Variants in IL1RAPL1 observed in about 807,000 individuals in gnomAD.
IL1RAPL1 encodes the protein interleukin 1 receptor accessory protein like 1, also known as interleukin-1 receptor accessory protein-like 1.
In IL1RAPL1, 3 loss-of-function variants were observed where a neutral mutation model predicts 48.4. The ratio of observed to expected loss-of-function variants is 0.06; its 90% CI spans 0.03 to 0.16. The LOEUF is 0.16. Ranked by LOEUF, IL1RAPL1 falls within the 10% of genes least tolerant of loss-of-function variation. The pLI, the probability that IL1RAPL1 is intolerant of heterozygous loss-of-function variation, is 1.00. For synonymous variants in IL1RAPL1, 185 were observed against 187.7 expected, an observed-to-expected ratio of 0.99 and a Z score of 0.12; for missense variants, 349 against 530.6, an observed-to-expected ratio of 0.66 and a Z score of 3.36.
At chrX:28,668,532 A>G (rs1934908668) in intron 1 of IL1RAPL1, among the ~76,000 whole-genome samples, 1 of 113,565 alleles carries the variant, frequency 8.8e-6, no homozygotes, top group Non-Finnish European at 1.9e-5. Flanking sequence ...TGCTCGGGCT[A>G]TAGGCGTGAG....
chrX:29,596,787 G>A (rs1408791628), intron 5 of IL1RAPL1, among the ~76,000 whole-genome samples: 1 of 111,831 alleles, frequency 8.9e-6, no homozygotes, highest in Non-Finnish European at 1.9e-5. Flanking sequence ...AGTGGTGAGA[G>A]TGGGTATCCT....
At chrX:28,890,633 T>A (rs988065052) in intron 2 of IL1RAPL1, among the ~76,000 whole-genome samples, 2 of 112,083 alleles carry the variant, frequency 1.8e-5, no homozygotes, top group Non-Finnish European at 3.8e-5. Flanking sequence ...TTAACTGTTG[T>A]CAAAAATGTT....
chrX:28,805,862 T>A (rs924963198), intron 2 of IL1RAPL1, among the ~76,000 whole-genome samples: 1 of 110,052 alleles, frequency 9.1e-6, no homozygotes, highest in Non-Finnish European at 1.9e-5. Flanking sequence ...CATATATGTA[T>A]GTATATATAT....
At chrX:28,943,390 A>T (rs760487934) in intron 2 of IL1RAPL1, among the ~76,000 whole-genome samples, 1 of 110,143 alleles carries the variant, frequency 9.1e-6, no homozygotes, top group South Asian at 3.7e-4. Flanking sequence ...GTTGATGAGG[A>T]CAATATGGTT....
intron 5 of IL1RAPL1, among the ~76,000 whole-genome samples, chrX:29,508,948 TAAC>T (rs988513706): frequency 1.3e-4 from 15 of 112,230 alleles, no homozygotes; most frequent in Non-Finnish European, 2.1e-4. Flanking sequence ...TTAAATTCTT[TAAC>T]ATTTTTGTTC....
At chrX:28,836,094 C>T (rs1037288832) in intron 2 of IL1RAPL1, among the ~76,000 whole-genome samples, 15 of 110,052 alleles carry the variant, frequency 1.4e-4, no homozygotes, top group African/African-American at 5.0e-4. Context: ...GATGAACATA[C>T]GTAAGCTTCA....
chrX:29,947,459 G>C (rs1933233643), intron 9 of IL1RAPL1, among the ~76,000 whole-genome samples: 1 of 111,379 alleles, frequency 9.0e-6, no homozygotes, highest in Non-Finnish European at 1.9e-5. Flanking sequence ...GATGAAGAAA[G>C]AGATCTCCTA....
At chrX:29,340,824 C>G (rs937129452) in intron 3 of IL1RAPL1, among the ~76,000 whole-genome samples, 1 of 111,876 alleles carries the variant, frequency 8.9e-6, no homozygotes, top group Admixed American at 9.5e-5. Context: ...CCGAGGACAC[C>G]ATGTAGCTGC....
chrX:29,885,869 A>T (rs1276966049), intron 6 of IL1RAPL1, among the ~76,000 whole-genome samples: 1 of 111,734 alleles, frequency 8.9e-6, no homozygotes, highest in Non-Finnish European at 1.9e-5. Context: ...AACTATGAAA[A>T]TTCAAGCAGT....
intron 2 of IL1RAPL1, among the ~76,000 whole-genome samples, chrX:29,271,360 A>G (rs192940243): frequency 8.9e-6 from 1 of 112,189 alleles, no homozygotes. Flanking sequence ...AACGATTTAT[A>G]TTCCTTTGGA....
At chrX:29,359,714 T>C (rs1168325530) in intron 3 of IL1RAPL1, among the ~76,000 whole-genome samples, 1 of 111,609 alleles carries the variant, frequency 9.0e-6, no homozygotes, top group East Asian at 2.8e-4. Context: ...CTTTCTATGG[T>C]TTAAGGGCTT....
intron 2 of IL1RAPL1, among the ~76,000 whole-genome samples, chrX:28,831,040 G>C (rs867427681): frequency 0.032 from 1,794 of 55,940 alleles, 56 homozygotes; most frequent in African/African-American, 0.13. Context: ...GTGTGTGTGT[G>C]TGTGTGTGTG....
intron 2 of IL1RAPL1, among the ~76,000 whole-genome samples, chrX:29,004,785 C>T (rs1446879285): frequency 9.0e-6 from 1 of 111,340 alleles, no homozygotes; most frequent in Non-Finnish European, 1.9e-5. Flanking sequence ...CACTTGAGCC[C>T]CGGAGTTTGA....
intron 1 of IL1RAPL1, among the ~76,000 whole-genome samples, chrX:28,781,125 T>G (rs771719107): frequency 9.1e-6 from 1 of 110,184 alleles, no homozygotes; most frequent in Non-Finnish European, 1.9e-5. Flanking sequence ...TATACAAATA[T>G]ATTATCATGT....
At chrX:28,965,761 G>A (rs1010892328) in intron 2 of IL1RAPL1, among the ~76,000 whole-genome samples, 6 of 111,967 alleles carry the variant, frequency 5.4e-5, no homozygotes, top group Non-Finnish European at 9.4e-5. Context: ...GTGTCCTTAT[G>A]AGATTTCATT....
intron 6 of IL1RAPL1, among the ~76,000 whole-genome samples, chrX:29,782,096 GTCTGTCTATCTATCTA>G (rs1299340343): frequency 7.7e-5 from 7 of 90,489 alleles, no homozygotes; most frequent in Admixed American, 4.8e-4. Context: ...CTGTCTGTCT[GTCTGTCTATCTATCTA>G]TCTATCTATC....
intron 3 of IL1RAPL1, among the ~76,000 whole-genome samples, chrX:29,353,248 A>C (rs1302993420): frequency 8.9e-6 from 1 of 111,757 alleles, no homozygotes; most frequent in African/African-American, 3.3e-5. Flanking sequence ...ATGATTGGCA[A>C]GACCACTTAG....
chrX:28,771,617 G>T (rs1936307129), intron 1 of IL1RAPL1, among the ~76,000 whole-genome samples: 3 of 112,075 alleles, frequency 2.7e-5, no homozygotes, highest in African/African-American at 9.7e-5. Flanking sequence ...TTAATAGAAT[G>T]ATCTTGGGAA....
intron 5 of IL1RAPL1, among the ~76,000 whole-genome samples, chrX:29,624,681 C>CAA (rs760717696): frequency 3.5e-4 from 29 of 82,070 alleles, no homozygotes; most frequent in African/African-American, 1.2e-3. Flanking sequence ...ACAAAAAATA[C>CAA]AAAAAAAAAA....
Sources: allele counts gnomAD v4.1 joint callset (sites outside exome capture counted in the v4.1 genomes callset), GRCh38; gene constraint gnomAD v4.1.1; transcripts MANE v1.5; gene names NCBI Gene and HGNC (gene_info 2026-07-23, HGNC 2026-07-21).